The following ALDH1A2 variants were observed in gnomAD, a reference collection of about 807,000 sequenced individuals.
ALDH1A2 encodes retinal dehydrogenase 2.
ALDH1A2 carries 27 observed loss-of-function variants against 60.3 expected under a neutral mutation model. The observed-to-expected ratio is 0.45, with a 90% CI of 0.33 to 0.62. The LOEUF is 0.62. ALDH1A2 is among the 20% of genes least tolerant of loss of function. The pLI is 0.02. For synonymous variants in ALDH1A2, 289 were observed against 232.4 expected, an observed-to-expected ratio of 1.24 and a Z score of -2.21; for missense variants, 581 against 643.8, an observed-to-expected ratio of 0.90 and a Z score of 1.06.
At chr15:58,058,086 GC>G in intron 1 of ALDH1A2, 2 of 1,533,468 alleles carry the variant, frequency 1.3e-6, no homozygotes, top group Non-Finnish European at 8.7e-7. Flanking sequence ...AAAGGATTCT[GC>G]CAGCAAGTCC....
chr15:58,025,452 A>G (rs984506944), intron 1 of ALDH1A2, among the ~76,000 whole-genome samples: 17 of 152,194 alleles, frequency 1.1e-4, no homozygotes, highest in South Asian at 2.1e-4. Flanking sequence ...AGCTACCAAG[A>G]TTGAATCAGG....
chr15:57,958,214 G>GCGCACACACACGCACGCACACACACA (rs67551670), intron 12 of ALDH1A2, among the ~76,000 whole-genome samples: 1 of 151,700 alleles, frequency 6.6e-6, no homozygotes, highest in Non-Finnish European at 1.5e-5. Context: ...GTACACGCAC[G>GCGCACACACACGCACGCACACACACA]CACACACACA....
Position 57,962,109 on chromosome 15 carries a change from A to G in ALDH1A2, c.1154T>C (p.Leu385Pro). ...IQSGVAEGAKLECGGKGLGRK... is the reference protein window; with the variant it reads ...IQSGVAEGAKPECGGKGLGRK... ...GCCCAGTCCTTTGCCTCCACATTCC[A>G]GCTTGGCGCCCTCAGCCACACCACT... Residue 385 changes from leucine to proline, a missense_variant, in exon 10 of 13, where the codon CTG (leucine) becomes CCG (proline). Leu to Pro is a moderately conservative substitution (Grantham distance 98, BLOSUM62 -3). This residue lies in a region of ALDH1A2 where 375 missense variants were observed against 469.7 expected (regional missense o/e 0.80). Coordinates refer to ENST00000249750, the MANE Select transcript of ALDH1A2 (RefSeq NM_003888.4). The G allele has an allele frequency of 6.2e-7, 1 of 1,614,160 alleles. No individual in the cohort carries two copies. The highest frequency in any genetic ancestry group is 8.5e-7 in the Non-Finnish European group (1 of 1,180,014).
rs1237345089 is a variant in ALDH1A2, at chr15:57,954,607, G to A, written c.*590C>T. 1 of 167,424 alleles carries A rather than the reference G, an allele frequency of 6.0e-6. No homozygotes were observed. Among genetic ancestry groups the A allele is most frequent in the Non-Finnish European group, 1.3e-5 (1 of 74,914 alleles). The allele number at this position is 167,424 out of a possible 1,614,324, so 10.4% of individuals were successfully genotyped here. On this transcript the variant is annotated 3_prime_UTR_variant, in exon 13 of 13. Coordinates refer to ENST00000249750, the MANE Select transcript of ALDH1A2 (RefSeq NM_003888.4). The stretch of plus-strand genomic sequence containing the variant: ...ATCCCAGGTTCTTACTACATCTGTA[G>A]TGTACCAGCTCCTGGCATTTTCATT...
chr15:58,043,636 G>A (rs888236440), intron 1 of ALDH1A2, among the ~76,000 whole-genome samples: 10 of 151,934 alleles, frequency 6.6e-5, no homozygotes, highest in Non-Finnish European at 1.0e-4. Flanking sequence ...CATTTGAAAC[G>A]GTGAGATTCA....
chr15:58,062,361 G>T (rs1897062716), intron 1 of ALDH1A2, among the ~76,000 whole-genome samples: 1 of 152,140 alleles, frequency 6.6e-6, no homozygotes, highest in South Asian at 2.1e-4. Context: ...ATAGAGCCAA[G>T]AAAGAAGGTC....
chr15:57,961,943 T>C, intron 10 of ALDH1A2, 69 bp downstream of exon 10: 3 of 1,577,658 alleles, frequency 1.9e-6, no homozygotes, highest in Non-Finnish European at 2.6e-6. Flanking sequence ...TCTAATATCA[T>C]CCACTAGAAA....
intron 1 of ALDH1A2, among the ~76,000 whole-genome samples, chr15:58,060,463 C>CTTTTTTTTTTTTTTTTTT (rs35187901): frequency 2.9e-4 from 25 of 87,512 alleles, no homozygotes; most frequent in East Asian, 3.9e-4. Context: ...CCACACATAT[C>CTTTTTTTTTTTTTTTTTT]TTTTTTTTTT....
intron 1 of ALDH1A2, among the ~76,000 whole-genome samples, chr15:58,051,018 C>T (rs1475696409): frequency 6.6e-6 from 1 of 152,054 alleles, no homozygotes; most frequent in African/African-American, 2.4e-5. Context: ...AAACAAAATG[C>T]TGAATTTTAT....
intron 1 of ALDH1A2, among the ~76,000 whole-genome samples, chr15:58,021,313 A>G (rs1895919646): frequency 1.3e-5 from 2 of 152,202 alleles, no homozygotes; most frequent in Non-Finnish European, 2.9e-5. Context: ...CACTTCAAAT[A>G]TATTATCCAA....
intron 4 of ALDH1A2, among the ~76,000 whole-genome samples, chr15:57,999,147 T>C (rs113965925): frequency 1.3e-3 from 194 of 152,066 alleles, no homozygotes; most frequent in African/African-American, 3.9e-3. Flanking sequence ...ATAGGCAAGA[T>C]TGCATGATGA....
intron 8 of ALDH1A2, chr15:57,964,284 T>G (rs917960934): frequency 8.7e-6 from 5 of 573,466 alleles, no homozygotes; most frequent in Non-Finnish European, 1.6e-5. Flanking sequence ...CTCTTTCTTA[T>G]TCTGCAAACA....
chr15:58,003,391 C>CA (rs1281057028), intron 4 of ALDH1A2, among the ~76,000 whole-genome samples: 3 of 151,838 alleles, frequency 2.0e-5, no homozygotes, highest in Admixed American at 2.0e-4. Context: ...TGATTCAAGG[C>CA]AAAATCTTAG....
intron 1 of ALDH1A2, among the ~76,000 whole-genome samples, chr15:58,036,913 A>T (rs1896390620): frequency 6.6e-6 from 1 of 151,690 alleles, no homozygotes; most frequent in Admixed American, 6.6e-5. Context: ...GGGAATGGGG[A>T]AGTACAAGAA....
chr15:58,026,098 C>A (rs1381484587), intron 1 of ALDH1A2, among the ~76,000 whole-genome samples: 1 of 152,138 alleles, frequency 6.6e-6, no homozygotes, highest in Non-Finnish European at 1.5e-5. Context: ...CACCCTAATA[C>A]CAAAATCAGA....
At chr15:57,969,079 G>C (rs1173986628) in intron 7 of ALDH1A2, among the ~76,000 whole-genome samples, 2 of 152,180 alleles carry the variant, frequency 1.3e-5, no homozygotes, top group South Asian at 2.1e-4. Flanking sequence ...GTTCAAGAAA[G>C]AACGGGATGT....
chr15:58,030,805 C>T (rs531660373), intron 1 of ALDH1A2, among the ~76,000 whole-genome samples: 87 of 152,078 alleles, frequency 5.7e-4, no homozygotes, highest in African/African-American at 1.9e-3. Context: ...AATAAAATAC[C>T]TAGGAATCCA....
At chr15:58,029,543 T>C (rs1391214850) in intron 1 of ALDH1A2, among the ~76,000 whole-genome samples, 2 of 142,374 alleles carry the variant, frequency 1.4e-5, no homozygotes, top group African/African-American at 5.3e-5. Flanking sequence ...ATAACTAAGA[T>C]GAGAGCAGAA....
chr15:58,017,752 C>G (rs1162733637), intron 1 of ALDH1A2, among the ~76,000 whole-genome samples: 1 of 152,018 alleles, frequency 6.6e-6, no homozygotes, highest in African/African-American at 2.4e-5. Flanking sequence ...TGTTTAAATT[C>G]TTATTTTGCT....
Sources: allele counts gnomAD v4.1 joint callset (sites outside exome capture counted in the v4.1 genomes callset), GRCh38; gene constraint gnomAD v4.1.1; regional missense constraint gnomAD v4.1.1; transcripts MANE v1.5; gene names NCBI Gene and HGNC (gene_info 2026-07-23, HGNC 2026-07-21).